Variants in UPP2 observed in about 807,000 individuals in gnomAD.
UPP2 encodes UPase 2.
A neutral mutation model predicts 26.7 loss-of-function variants in UPP2; 23 were observed. The observed-to-expected ratio is 0.86, with a 90% CI of 0.62 to 1.22. The LOEUF is 1.22. UPP2 is among the 50% of genes most tolerant of loss of function. UPP2 has a pLI of 0.00. For synonymous variants in UPP2, 127 were observed against 141.3 expected, an observed-to-expected ratio of 0.90 and a Z score of 0.72; for missense variants, 387 against 396.7, an observed-to-expected ratio of 0.98 and a Z score of 0.21.
intron 3 of UPP2, among the ~76,000 whole-genome samples, chr2:158,055,976 AC>A (rs1427321050): frequency 1.3e-5 from 2 of 152,198 alleles, no homozygotes; most frequent in Non-Finnish European, 2.9e-5. Flanking sequence ...GGTTAACAAG[AC>A]CTAAAAGATT....
At chr2:158,035,998 GAT>G (rs1488948982) in intron 3 of UPP2, among the ~76,000 whole-genome samples, 1 of 152,202 alleles carries the variant, frequency 6.6e-6, no homozygotes, top group Admixed American at 6.5e-5. Flanking sequence ...AGCTCCTGGA[GAT>G]GTTGTCACTC....
intron 3 of UPP2, among the ~76,000 whole-genome samples, chr2:158,073,849 A>T (rs535859718): frequency 9.2e-5 from 14 of 152,210 alleles, no homozygotes; most frequent in Non-Finnish European, 4.4e-5. Flanking sequence ...GAGTTCTTCA[A>T]ACTGAAAAGA....
chr2:158,105,331 G>A (rs1683168748), intron 1 of UPP2, among the ~76,000 whole-genome samples: 2 of 152,298 alleles, frequency 1.3e-5, no homozygotes, highest in South Asian at 4.2e-4. Context: ...GTTCTAGCTA[G>A]CACTGCCGTG....
chr2:158,053,195 GT>G (rs1682187761), intron 3 of UPP2, among the ~76,000 whole-genome samples: 1 of 152,178 alleles, frequency 6.6e-6, no homozygotes, highest in African/African-American at 2.4e-5. Flanking sequence ...CTTTTGGGAA[GT>G]CCTGATTTAG....
At chr2:158,111,001 CTTTAG>C (rs748417371) in intron 2 of UPP2, among the ~76,000 whole-genome samples, 2 of 152,154 alleles carry the variant, frequency 1.3e-5, no homozygotes, top group East Asian at 1.9e-4. Flanking sequence ...TGCAGAAGCT[CTTTAG>C]TTTAATTAGA....
At position 158,101,889 on chromosome 2, in the gene UPP2, A is replaced by G; in HGVS notation, c.-175A>G. On this transcript the variant is annotated 5_prime_UTR_variant, in exon 1 of 7. Transcript: ENST00000005756. ...ATCTTTTATTTGATAGGAAAATTTAAAATGCTAAAGGAAAAATTTTCTTAG... is the reference window on the plus strand; with the variant it reads ...ATCTTTTATTTGATAGGAAAATTTAGAATGCTAAAGGAAAAATTTTCTTAG... 1 of 1,347,084 alleles carries G rather than the reference A, an allele frequency of 7.4e-7. No individual in the cohort carries two copies. The highest frequency in any genetic ancestry group is 9.5e-7 in the Non-Finnish European group (1 of 1,053,188). 83.4% of individuals were successfully genotyped at this position (1,347,084 alleles called of 1,614,324 possible). A position where few individuals can be genotyped will look rare whatever the true frequency, so the allele number is the denominator to read the frequency against.
At chr2:158,057,839 C>T (rs1187923751) in intron 3 of UPP2, among the ~76,000 whole-genome samples, 1 of 151,800 alleles carries the variant, frequency 6.6e-6, no homozygotes, top group Non-Finnish European at 1.5e-5. Flanking sequence ...CTTATAACCT[C>T]ATGTTATGAA....
At chr2:158,079,390 CA>C (rs1276379087) in intron 3 of UPP2, among the ~76,000 whole-genome samples, 1 of 151,990 alleles carries the variant, frequency 6.6e-6, no homozygotes, top group African/African-American at 2.4e-5. Flanking sequence ...ATTGGCTGAT[CA>C]GGGGTTAATG....
chr2:158,130,446 G>A lies in UPP2; in HGVS notation c.812-4302G>A, dbSNP rs1339375571. Among the ~76,000 whole-genome samples, 127 of 83,270 alleles carry A rather than the reference G, an allele frequency of 1.5e-3. 4 individuals carry two copies. The highest frequency in any genetic ancestry group is 4.1e-4 in the South Asian group (1 of 2,448). The allele number at this position is 83,270 out of a possible 152,430, so 54.6% of individuals were successfully genotyped here. ...AGCCTGGGTGACAGAGCAAGAATCCGTCTCAAAAAAAAAAACAAAAAAAAA... is the reference window on the plus strand; with the variant it reads ...AGCCTGGGTGACAGAGCAAGAATCCATCTCAAAAAAAAAAACAAAAAAAAA... On this transcript the variant is annotated intron_variant, in intron 6 of 6. Coordinates refer to ENST00000005756, the MANE Select transcript of UPP2 (RefSeq NM_173355.4).
intron 3 of UPP2, among the ~76,000 whole-genome samples, chr2:158,027,482 C>A (rs991101814): frequency 1.3e-5 from 2 of 152,320 alleles, no homozygotes; most frequent in Admixed American, 6.5e-5. Context: ...TGATCCTGGG[C>A]AGCTCCACCC....
At chr2:158,123,632 G>A (rs977793391) in intron 5 of UPP2, 117 bp from the exon 6 acceptor site, 184 of 1,220,560 alleles carry the variant, frequency 1.5e-4, no homozygotes, top group Non-Finnish European at 1.9e-4. Flanking sequence ...CCTACACGGG[G>A]AGCACGCTGT....
At chr2:158,013,190 C>A (rs568704149) in intron 2 of UPP2, among the ~76,000 whole-genome samples, 2 of 152,018 alleles carry the variant, frequency 1.3e-5, no homozygotes, top group African/African-American at 4.8e-5. Flanking sequence ...GAGATGGAGT[C>A]TCACTATGTT....
At chr2:158,029,982 T>G (rs1683900518) in intron 3 of UPP2, among the ~76,000 whole-genome samples, 1 of 152,138 alleles carries the variant, frequency 6.6e-6, no homozygotes, top group Admixed American at 6.6e-5. Flanking sequence ...CAAATTTGGG[T>G]TTTGAAAACA....
At chr2:158,088,986 G>A (rs1394795619) in intron 3 of UPP2, among the ~76,000 whole-genome samples, 3 of 152,210 alleles carry the variant, frequency 2.0e-5, no homozygotes, top group Admixed American at 1.3e-4. Flanking sequence ...GTGCTTTCAA[G>A]AGAGCATTAG....
At chr2:158,019,181 T>C (rs1490086488) in intron 3 of UPP2, among the ~76,000 whole-genome samples, 1 of 152,014 alleles carries the variant, frequency 6.6e-6, no homozygotes, top group African/African-American at 2.4e-5. Context: ...GGTCAGTAAA[T>C]AAAGGAGGAA....
intron 6 of UPP2, among the ~76,000 whole-genome samples, chr2:158,130,413 T>C (rs1683790526): frequency 6.8e-6 from 1 of 146,796 alleles, no homozygotes; most frequent in South Asian, 2.2e-4. Flanking sequence ...ATTGCACCAC[T>C]GCACTCCAGC....
chr2:158,063,776 G>C (rs1198429253), intron 3 of UPP2, among the ~76,000 whole-genome samples: 1 of 152,102 alleles, frequency 6.6e-6, no homozygotes, highest in East Asian at 1.9e-4. Flanking sequence ...GTCTTGGCGT[G>C]TGATGTTCCC....
At chr2:158,102,189 A>C in intron 1 of UPP2, 64 bp downstream of exon 1, 1 of 1,577,406 alleles carries the variant, frequency 6.3e-7, no homozygotes, top group South Asian at 1.2e-5. Flanking sequence ...TTTTGTATTA[A>C]ATGATTAGAT....
intron 3 of UPP2, among the ~76,000 whole-genome samples, chr2:158,020,828 C>T (rs1176615235): frequency 6.6e-6 from 1 of 152,206 alleles, no homozygotes; most frequent in Admixed American, 6.5e-5. Context: ...GTAAGAATTC[C>T]AAAACCCTCA....
Sources: allele counts gnomAD v4.1 joint callset (sites outside exome capture counted in the v4.1 genomes callset), GRCh38; gene constraint gnomAD v4.1.1; transcripts MANE v1.5; gene names NCBI Gene and HGNC (gene_info 2026-07-23, HGNC 2026-07-21).